Variants in FBN1 observed in about 807,000 individuals in gnomAD.
FBN1 encodes fibrillin 1.
Under a neutral mutation model 365.1 loss-of-function variants are expected in FBN1, and 29 were observed. The observed-to-expected ratio is 0.08, with a 90% CI of 0.06 to 0.11. The LOEUF is 0.11. FBN1 is among the 10% of genes least tolerant of loss of function. The probability of loss-of-function intolerance (pLI) is 1.00; values close to 1 mark genes in which losing one functional copy is unlikely to be tolerated. For synonymous variants in FBN1, 1,210 were observed against 1,270.5 expected, an observed-to-expected ratio of 0.95 and a Z score of 1.01; for missense variants, 2,476 against 3,703.2, an observed-to-expected ratio of 0.67 and a Z score of 8.60.
At chr15:48,590,931 T>C (rs1311255655) in intron 6 of FBN1, among the ~76,000 whole-genome samples, 2 of 152,182 alleles carry the variant, frequency 1.3e-5, no homozygotes, top group Non-Finnish European at 2.9e-5. Context: ...GTCTTCACAG[T>C]TTAGACTTGG....
In FBN1 at chr15:48,432,905, C is replaced by T. The variant is rs112084407; in HGVS notation, c.6700G>A (p.Val2234Met). 1,869 of 1,613,688 alleles carry T rather than the reference C, an allele frequency of 1.2e-3. 2 individuals carry two copies. Among genetic ancestry groups the T allele is most frequent in the Non-Finnish European group, 1.5e-3 (1,713 of 1,179,664 alleles). ...TYGSYECKCP[V>M]GYVLREDRRM... ...CGGTCTTCTCTGAGCACATATCCCACGGGACATTTGCATTCATATGACCCA... is the reference window on the plus strand; with the variant it reads ...CGGTCTTCTCTGAGCACATATCCCATGGGACATTTGCATTCATATGACCCA... Residue 2234 changes from valine (V) to methionine (M), a missense_variant, in exon 55 of 66, where the codon GTG becomes ATG. By Grantham distance (21) the Val-to-Met change is conservative (BLOSUM62 1). Around this residue, in one of 5 missense-constraint regions of FBN1, gnomAD observed 1,780 missense variants for 2,840.8 expected, o/e 0.63. Coordinates refer to ENST00000316623, the MANE Select transcript of FBN1 (RefSeq NM_000138.5).
chr15:48,642,636 T>C (rs1566944433), intron 2 of FBN1: 3 of 149,170 alleles, frequency 2.0e-5, no homozygotes, highest in Non-Finnish European at 4.5e-5. Context: ...CTTTTAATTG[T>C]ATATATTTTT....
rs1054296825 is a variant in FBN1, at chr15:48,481,642, T to G, written c.3964+13A>C. The G allele has an allele frequency of 1.9e-6, 3 of 1,613,212 alleles. No homozygotes were observed. Among genetic ancestry groups the G allele is most frequent in the Admixed American group, 1.7e-5 (1 of 59,986 alleles). On this transcript the variant is annotated intron_variant, in intron 32 of 65. Coordinates refer to ENST00000316623, the MANE Select transcript of FBN1 (RefSeq NM_000138.5). ...CTACTTAATATTTTATTGTTCTACTTGAACAAACACACCTGTACAGCCAGT... is the reference window on the plus strand; with the variant it reads ...CTACTTAATATTTTATTGTTCTACTGGAACAAACACACCTGTACAGCCAGT...
intron 2 of FBN1, among the ~76,000 whole-genome samples, chr15:48,637,153 C>T (rs1038154883): frequency 5.3e-5 from 8 of 152,140 alleles, no homozygotes; most frequent in Non-Finnish European, 8.8e-5. Flanking sequence ...TTTCTTCACC[C>T]CTTTCACTGA....
At chr15:48,627,830 A>G (rs1394624816) in intron 2 of FBN1, among the ~76,000 whole-genome samples, 2 of 152,214 alleles carry the variant, frequency 1.3e-5, no homozygotes, top group African/African-American at 4.8e-5. Context: ...TTCCAGCTCC[A>G]GGGAAGATGT....
At position 48,437,003 on chromosome 15, in the gene FBN1, C is replaced by T. The variant is rs777877864; in HGVS notation, c.6454G>A (p.Glu2152Lys). The change falls in exon 53 of 66, where the codon GAG (glutamate) becomes AAG (lysine). Residue 2152 changes from glutamate to lysine, a missense_variant. Transcript: ENST00000316623. ...GCTAGAATATAACCAAAGGGACACTCGCAGCGATAGGAACCATCTGTATTG... is the reference window on the plus strand; with the variant it reads ...GCTAGAATATAACCAAAGGGACACTTGCAGCGATAGGAACCATCTGTATTG... Reference protein sequence around the residue: ...CINTDGSYRCECPFGYILAGN... With the variant: ...CINTDGSYRCKCPFGYILAGN... 6 of 1,612,696 alleles carry T rather than the reference C, an allele frequency of 3.7e-6. No homozygotes were observed. The highest frequency in any genetic ancestry group is 1.7e-5 in the Admixed American group (1 of 59,924).
At chr15:48,424,985 G>A (rs373716921) in intron 60 of FBN1, among the ~76,000 whole-genome samples, 18 of 152,144 alleles carry the variant, frequency 1.2e-4, no homozygotes, top group Admixed American at 8.5e-4. Context: ...TGATTATTCC[G>A]AGGCAGGACC....
chr15:48,630,731 CA>C (rs11393587), intron 2 of FBN1, among the ~76,000 whole-genome samples: 1,744 of 111,050 alleles, frequency 0.016, 23 homozygotes, highest in African/African-American at 0.051. Flanking sequence ...GACTCCATCT[CA>C]AAAAAAAAAA....
At chr15:48,597,056 G>A (rs1012146401) in intron 5 of FBN1, among the ~76,000 whole-genome samples, 7 of 152,148 alleles carry the variant, frequency 4.6e-5, no homozygotes, top group African/African-American at 1.2e-4. Flanking sequence ...AGGCATCTTC[G>A]TCATGCGTGG....
At chr15:48,568,988 T>C (rs2044283335) in intron 6 of FBN1, among the ~76,000 whole-genome samples, 2 of 152,164 alleles carry the variant, frequency 1.3e-5, no homozygotes, top group South Asian at 4.1e-4. Context: ...AGACTGATAA[T>C]TTAGACATCA....
At chr15:48,638,402 G>T (rs1597648734) in intron 2 of FBN1, among the ~76,000 whole-genome samples, 1 of 152,272 alleles carries the variant, frequency 6.6e-6, no homozygotes, top group Non-Finnish European at 1.5e-5. Context: ...TAACTGTAAA[G>T]CAGTAAAATA....
intron 30 of FBN1, 100 bp from the exon 31 acceptor site, chr15:48,484,043 A>G: frequency 8.6e-7 from 1 of 1,169,312 alleles, no homozygotes; most frequent in Non-Finnish European, 1.3e-6. Context: ...TTAGCCTACT[A>G]GCATAAGACT....
At chr15:48,523,712 G>C (rs1204840205) in intron 9 of FBN1, among the ~76,000 whole-genome samples, 1 of 101,378 alleles carries the variant, frequency 9.9e-6, no homozygotes, top group Admixed American at 9.7e-5. Flanking sequence ...AGGGTGGCTG[G>C]GGGGGGGGGG....
intron 2 of FBN1, among the ~76,000 whole-genome samples, chr15:48,638,842 A>G (rs1395196622): frequency 6.6e-6 from 1 of 152,232 alleles, no homozygotes; most frequent in African/African-American, 2.4e-5. Flanking sequence ...GGTTCTGAAC[A>G]ACATAAACAG....
intron 2 of FBN1, among the ~76,000 whole-genome samples, chr15:48,616,717 C>A (rs902562199): frequency 6.6e-6 from 1 of 152,132 alleles, no homozygotes; most frequent in Non-Finnish European, 1.5e-5. Flanking sequence ...CCCCATCAAC[C>A]CCCATCACTC....
intron 6 of FBN1, among the ~76,000 whole-genome samples, chr15:48,564,395 G>A (rs554684854): frequency 6.6e-6 from 1 of 152,262 alleles, no homozygotes; most frequent in African/African-American, 2.4e-5. Flanking sequence ...CAAAGCCAAT[G>A]CGGTTTTGTG....
rs2141267795 is a variant in FBN1 at position 48,464,023 on chromosome 15, T to C, written c.4943-2A>G. 1.2e-6 allele frequency: 2 copies of C among 1,613,700 alleles called. No individual in the cohort carries two copies. The highest frequency in any genetic ancestry group is 1.7e-6 in the Non-Finnish European group (2 of 1,179,786). ...CAGGAGTCTCACATTCATTCACATC[T>C]ATAATCCAAAGAGAAAGTGGTATGT... On this transcript the variant is annotated splice_acceptor_variant, in intron 40 of 65. Transcript: ENST00000316623. LOFTEE classifies it high-confidence loss of function.
chr15:48,474,506 C>T (rs1349802918), intron 33 of FBN1, 22 bp downstream of exon 33: 1 of 1,614,022 alleles, frequency 6.2e-7, no homozygotes, highest in African/African-American at 1.3e-5. Flanking sequence ...TGATAAGCAA[C>T]CTCTGTTACT....
Position 48,408,729 on chromosome 15 carries a change from T to C in FBN1, c.*2261A>G, listed in dbSNP as rs1459507799. On this transcript the variant is annotated 3_prime_UTR_variant, in exon 66 of 66. Coordinates refer to ENST00000316623, the MANE Select transcript of FBN1 (RefSeq NM_000138.5). ...AAATGTTTTGTTACAGTCAGAAACA[T>C]GGAAAATATGCTGTTCAAAATTGTT... 1 of 152,618 alleles carries C rather than the reference T, an allele frequency of 6.6e-6. No homozygotes were observed. Among genetic ancestry groups the C allele is most frequent in the East Asian group, 1.9e-4 (1 of 5,202 alleles). The allele number at this position is 152,618 out of a possible 1,614,324, so 9.5% of individuals were successfully genotyped here.
Sources: allele counts gnomAD v4.1 joint callset (sites outside exome capture counted in the v4.1 genomes callset), GRCh38; gene constraint gnomAD v4.1.1; regional missense constraint gnomAD v4.1.1; transcripts MANE v1.5; gene names NCBI Gene and HGNC (gene_info 2026-07-23, HGNC 2026-07-21).